Variants in DHX40 observed in about 807,000 individuals in gnomAD.
DHX40 encodes DEAH-box helicase 40.
DHX40 carries 28 observed loss-of-function variants against 89.6 expected under a neutral mutation model. The observed-to-expected ratio is 0.31, with a 90% CI of 0.23 to 0.43. DHX40 has a LOEUF of 0.43. Among genes scored for constraint, DHX40 ranks in the 20% least tolerant of loss-of-function variants. The pLI is 1.00. For synonymous variants in DHX40, 226 were observed against 283.6 expected, an observed-to-expected ratio of 0.80 and a Z score of 2.04; for missense variants, 457 against 844.0, an observed-to-expected ratio of 0.54 and a Z score of 5.68.
At chr17:59,586,294 T>C in intron 11 of DHX40, 61 bp downstream of exon 11, 1 of 1,225,504 alleles carries the variant, frequency 8.2e-7, no homozygotes, top group Non-Finnish European at 1.1e-6. Flanking sequence ...TAAACAGGGC[T>C]CTAAATACCT....
At chr17:59,575,939 G>C (rs201950456) in intron 7 of DHX40, among the ~76,000 whole-genome samples, 40,333 of 143,824 alleles carry the variant, frequency 0.28, 3,995 homozygotes, top group East Asian at 0.42. Flanking sequence ...ATCCAGGCTG[G>C]AGTGCAGTGG....
chr17:59,575,152 CTG>C (rs2048863149), intron 6 of DHX40, among the ~76,000 whole-genome samples, 186 bp from the exon 7 acceptor site: 1 of 151,924 alleles, frequency 6.6e-6, no homozygotes, highest in South Asian at 2.1e-4. Context: ...TTCTTAGAAA[CTG>C]ATGTTTCTTC....
chr17:59,586,207 A>G lies in DHX40; in HGVS notation c.1398A>G (p.Gln466=), dbSNP rs2697395. The change falls in exon 11 of 18, where the codon CAA becomes CAG. Residue 466 remains glutamine (Q), a synonymous_variant. Coordinates refer to ENST00000251241, the MANE Select transcript of DHX40 (RefSeq NM_024612.5). The part of the protein sequence containing the change: ...NERLILEALK[Q]LYQCDAIDRS... The stretch of plus-strand genomic sequence containing the variant: ...GACTTATTTTAGAAGCTCTTAAACA[A>G]CTTTACCAGTGTGATGCTATTGACA... 6.1e-5 allele frequency: 96 copies of G among 1,585,720 alleles called. No homozygotes were observed. Among genetic ancestry groups the G allele is most frequent in the African/African-American group, 4.4e-4 (32 of 72,742 alleles).
In DHX40 at chr17:59,607,532, C is replaced by T. The variant is rs2030941446; in HGVS notation, c.*360C>T. The stretch of plus-strand genomic sequence containing the variant: ...ATTTAATCAGCGTGTACTCCATTTG[C>T]ATTGAAGCATTAAAAATTATTTTTC... On this transcript the variant is annotated 3_prime_UTR_variant, in exon 18 of 18. Transcript: ENST00000251241. The T allele has an allele frequency of 8.1e-6, 4 of 492,958 alleles. No homozygotes were observed. The highest frequency in any genetic ancestry group is 6.2e-5 in the East Asian group (2 of 32,222). 30.5% of individuals were successfully genotyped at this position (492,958 alleles called of 1,614,324 possible).
intron 12 of DHX40, among the ~76,000 whole-genome samples, 194 bp downstream of exon 12, chr17:59,588,247 A>G (rs956252980): frequency 1.3e-5 from 2 of 149,856 alleles, no homozygotes. Flanking sequence ...AAAAACCAAA[A>G]ACAAAATTAA....
rs1350798826 is a variant in DHX40 at position 59,607,975 on chromosome 17, C to G, written c.*803C>G. The stretch of plus-strand genomic sequence containing the variant: ...ATGTATGTAGGTGTGATAGTACTTT[C>G]AAACAGCGCCTCCACCTGGCCTACT... On this transcript the variant is annotated 3_prime_UTR_variant, in exon 18 of 18. Transcript: ENST00000251241. 6.5e-6 allele frequency: 1 copy of G among 154,516 alleles called. No homozygotes were observed. Among genetic ancestry groups the G allele is most frequent in the Non-Finnish European group, 1.5e-5 (1 of 68,174 alleles). 9.6% of individuals were successfully genotyped at this position (154,516 alleles called of 1,614,324 possible). A position where few individuals can be genotyped will look rare whatever the true frequency, so the allele number is the denominator to read the frequency against.
At chr17:59,598,490 T>G (rs1476597618) in intron 12 of DHX40, among the ~76,000 whole-genome samples, 2 of 152,022 alleles carry the variant, frequency 1.3e-5, no homozygotes, top group Admixed American at 1.3e-4. Context: ...ACAAATACTA[T>G]TTTTAAAAGG....
chr17:59,586,862 T>C (rs1192473310), intron 11 of DHX40, among the ~76,000 whole-genome samples: 1 of 152,022 alleles, frequency 6.6e-6, no homozygotes, highest in Non-Finnish European at 1.5e-5. Flanking sequence ...TTAATAATTA[T>C]TATTCTCTTG....
At chr17:59,571,771 T>C (rs1402232814) in intron 3 of DHX40, among the ~76,000 whole-genome samples, 2 of 151,918 alleles carry the variant, frequency 1.3e-5, no homozygotes, top group African/African-American at 4.8e-5. Flanking sequence ...TTTGTATTTT[T>C]AGTAGAGATG....
chr17:59,608,078 A>G lies in DHX40; in HGVS notation c.*906A>G, dbSNP rs917318880. 1 of 154,750 alleles carries G rather than the reference A, an allele frequency of 6.5e-6. No individual in the cohort carries two copies. Among genetic ancestry groups the G allele is most frequent in the Non-Finnish European group, 1.5e-5 (1 of 68,204 alleles). The allele number at this position is 154,750 out of a possible 1,614,324, so 9.6% of individuals were successfully genotyped here. On this transcript the variant is annotated 3_prime_UTR_variant, in exon 18 of 18. Transcript: ENST00000251241. ...TTGGGATGGGATTTTCGAAGCAGACAACACTATTTCATCGTGTTTCAAATT... is the reference window on the plus strand; with the variant it reads ...TTGGGATGGGATTTTCGAAGCAGACGACACTATTTCATCGTGTTTCAAATT...
intron 12 of DHX40, among the ~76,000 whole-genome samples, chr17:59,591,314 A>AAAAG (rs1343900119): frequency 6.6e-6 from 1 of 150,440 alleles, no homozygotes. Flanking sequence ...CCAAAAAGAA[A>AAAAG]AAAGAAAGAA....
chr17:59,566,261 C>A (rs951998860), intron 1 of DHX40, among the ~76,000 whole-genome samples: 2 of 152,164 alleles, frequency 1.3e-5, no homozygotes, highest in African/African-American at 4.8e-5. Flanking sequence ...TCTAATCCAG[C>A]TGAGAATTTT....
chr17:59,586,402 C>A (rs533292606), intron 11 of DHX40, among the ~76,000 whole-genome samples, 169 bp downstream of exon 11: 1 of 152,026 alleles, frequency 6.6e-6, no homozygotes, highest in African/African-American at 2.4e-5. Flanking sequence ...GTGGCTCATA[C>A]CTGTAATCCC....
intron 12 of DHX40, among the ~76,000 whole-genome samples, chr17:59,592,016 A>G (rs2049090790): frequency 6.6e-6 from 1 of 151,568 alleles, no homozygotes; most frequent in Admixed American, 6.6e-5. Flanking sequence ...CCACATGCAT[A>G]TGCTACCATG....
chr17:59,591,730 T>C lies in DHX40; in HGVS notation c.1582+3677T>C, dbSNP rs2960212. Reference sequence around the variant, plus strand: ...CTCCCTCTATATATGTATATATAAATGGATTTTTTTCTTTTTCTGAATCAT... The same window carrying C: ...CTCCCTCTATATATGTATATATAAACGGATTTTTTTCTTTTTCTGAATCAT... On this transcript the variant is annotated intron_variant, in intron 12 of 17. Transcript: ENST00000251241. Among the ~76,000 whole-genome samples the C allele has an allele frequency of 4.4e-3, 668 of 151,736 alleles. 10 individuals are homozygous for C. The highest frequency in any genetic ancestry group is 0.015 in the African/African-American group (627 of 41,444).
At chr17:59,580,758 C>A (rs2048935357) in intron 10 of DHX40, among the ~76,000 whole-genome samples, 1 of 151,096 alleles carries the variant, frequency 6.6e-6, no homozygotes, top group African/African-American at 2.5e-5. Context: ...CCACTGCGGT[C>A]CAGCCTGGGC....
intron 7 of DHX40, among the ~76,000 whole-genome samples, chr17:59,576,599 A>G (rs1054620752): frequency 2.0e-5 from 3 of 152,136 alleles, no homozygotes; most frequent in Admixed American, 6.6e-5. Flanking sequence ...CTTACTCTCT[A>G]TTGAAGCATA....
chr17:59,607,111 T>G lies in DHX40; in HGVS notation c.2279T>G (p.Phe760Cys). ...TCCATATCTGATGCACGGGCTCGTT[T>G]CCTTGAGAGAAAGCAGCAGAGGACC... ...DKSISDARAR[F>C]LERKQQRTQD... Residue 760 changes from phenylalanine to cysteine, a missense_variant, in exon 18 of 18, where the codon TTC becomes TGC. By Grantham distance (205) the Phe-to-Cys change is radical. Transcript: ENST00000251241. The G allele has an allele frequency of 6.2e-7, 1 of 1,614,190 alleles. No homozygotes were observed. Among genetic ancestry groups the G allele is most frequent in the Non-Finnish European group, 8.5e-7 (1 of 1,180,026 alleles).
chr17:59,574,444 A>G (rs1199902938), intron 6 of DHX40, among the ~76,000 whole-genome samples, 190 bp downstream of exon 6: 2 of 151,214 alleles, frequency 1.3e-5, no homozygotes, highest in Admixed American at 6.6e-5. Flanking sequence ...AGAGGATTAT[A>G]TATATTTATG....
Sources: allele counts gnomAD v4.1 joint callset (sites outside exome capture counted in the v4.1 genomes callset), GRCh38; gene constraint gnomAD v4.1.1; transcripts MANE v1.5; gene names NCBI Gene and HGNC (gene_info 2026-07-23, HGNC 2026-07-21).